ESR2: variants seen among roughly 807,000 people sequenced by gnomAD.
ESR2 encodes estrogen receptor beta.
ESR2 carries 36 observed loss-of-function variants against 49.6 expected under a neutral mutation model. The observed-to-expected ratio is 0.73, with a 90% confidence interval of 0.56 to 0.96. ESR2 has a LOEUF of 0.96. ESR2 is among the 40% of genes least tolerant of loss of function. The pLI is 0.00. For missense variants in ESR2, 714 were observed against 693.0 expected (o/e 1.03, Z -0.34); for synonymous variants, 320 against 266.1 (o/e 1.20, Z -1.97).
At chr14:64,252,176 G>A (rs911198548) in intron 6 of ESR2, among the ~76,000 whole-genome samples, 1 of 152,022 alleles carries the variant, frequency 6.6e-6, no homozygotes, top group Admixed American at 6.6e-5. Flanking sequence ...AACCAGGCAT[G>A]GTAGCATACA....
chr14:64,336,983 A>G (rs540134033), intron 1 of ESR2, among the ~76,000 whole-genome samples: 6 of 152,304 alleles, frequency 3.9e-5, no homozygotes, highest in East Asian at 3.9e-4. Flanking sequence ...CTAAAACTAT[A>G]TATTTCTTTA....
intron 4 of ESR2, among the ~76,000 whole-genome samples, chr14:64,263,059 A>C (rs2076253461): frequency 6.6e-6 from 1 of 152,222 alleles, no homozygotes; most frequent in Non-Finnish European, 1.5e-5. Flanking sequence ...AGATGATAGA[A>C]ATGAACCCAA....
intron 7 of ESR2, among the ~76,000 whole-genome samples, chr14:64,235,565 G>T (rs955897320): frequency 6.6e-6 from 1 of 152,344 alleles, no homozygotes; most frequent in Admixed American, 6.5e-5. Flanking sequence ...AATAAACAAA[G>T]GAATGGCCAA....
In ESR2 at chr14:64,260,689, G is replaced by A; in HGVS notation, c.712C>T (p.Gln238Ter). 4 of 1,553,550 alleles carry A rather than the reference G, an allele frequency of 2.6e-6. No homozygotes were observed. Among genetic ancestry groups the A allele is most frequent in the Non-Finnish European group, 2.6e-6 (3 of 1,145,476 alleles). ...LVRRQRSADE[Q>*]LHCAGKAKRS... ...TTGGCCTTGCCGGCACAGTGCAGCT[G>A]CTCGTCGGCACTTCTCTGTCTCCGC... The change falls in exon 5 of 9, where the codon CAG becomes TAG. Residue 238 changes from glutamine to a stop codon, truncating the protein, a stop_gained. Transcript: ENST00000341099. LOFTEE classifies it high-confidence loss of function.
intron 1 of ESR2, among the ~76,000 whole-genome samples, chr14:64,322,467 G>T (rs1249968684): frequency 2.7e-5 from 4 of 150,916 alleles, no homozygotes; most frequent in African/African-American, 4.9e-5. Flanking sequence ...CTTGATCCAG[G>T]GGTTTGAGAC....
At chr14:64,228,050 G>A, downstream of ESR2, 2 of 1,407,322 alleles carry the variant, frequency 1.4e-6, no homozygotes, top group Non-Finnish European at 1.8e-6. Context: ...CAGGACCTGT[G>A]GTCATAAATC....
chr14:64,335,973 T>TG (rs2077525609), intron 1 of ESR2: 4 of 125,694 alleles, frequency 3.2e-5, no homozygotes, highest in Non-Finnish European at 3.3e-5. Context: ...CCCAGCTAAT[T>TG]TGTGTGTGTG....
rs915165791 is a variant in ESR2, at chr14:64,233,123, C to G, written c.*14G>C. ...CTGTGACCTCTGTGGGCCAGTTCAC[C>G]TCAGGGCCAGGCGTCACTGAGACTG... On this transcript the variant is annotated 3_prime_UTR_variant, in exon 9 of 9. Coordinates refer to ENST00000341099, the MANE Select transcript of ESR2 (RefSeq NM_001437.3). The G allele has an allele frequency of 6.2e-7, 1 of 1,610,438 alleles. No homozygotes were observed. The highest frequency in any genetic ancestry group is 1.3e-5 in the African/African-American group (1 of 74,848).
intron 1 of ESR2, among the ~76,000 whole-genome samples, chr14:64,287,285 T>G (rs757779512): frequency 3.9e-5 from 6 of 152,080 alleles, no homozygotes; most frequent in Non-Finnish European, 8.8e-5. Flanking sequence ...CCAGCAGTGG[T>G]GAAACCAACT....
chr14:64,292,354 T>C (rs1428183368), intron 1 of ESR2, among the ~76,000 whole-genome samples: 1 of 152,158 alleles, frequency 6.6e-6, no homozygotes, highest in African/African-American at 2.4e-5. Context: ...AGGGGACTTT[T>C]GGGGTAATGG....
In ESR2 at chr14:64,232,237, G is replaced by C. The variant is rs2098727933; in HGVS notation, c.*900C>G. The C allele has an allele frequency of 6.6e-6, 1 of 152,168 alleles. No homozygotes were observed. Among genetic ancestry groups the C allele is most frequent in the Non-Finnish European group, 1.5e-5 (1 of 68,042 alleles). 9.4% of individuals were successfully genotyped at this position (152,168 alleles called of 1,614,324 possible). ...TGGGGCAATTGTGGCTGCTACTTAT[G>C]AGGTTGTACAAGATGGAAACTGCAT... On this transcript the variant is annotated 3_prime_UTR_variant, in exon 9 of 9. Transcript: ENST00000341099.
chr14:64,266,198 CAT>C (rs1378676717), intron 4 of ESR2, among the ~76,000 whole-genome samples: 12 of 152,296 alleles, frequency 7.9e-5, no homozygotes, highest in African/African-American at 2.6e-4. Flanking sequence ...TATCAAAGCT[CAT>C]ATGAGTTTTT....
chr14:64,319,519 A>G (rs2077300513), intron 1 of ESR2, among the ~76,000 whole-genome samples: 1 of 152,246 alleles, frequency 6.6e-6, no homozygotes. Flanking sequence ...TTGTTGCAAA[A>G]GATATATCTG....
At chr14:64,238,797 C>T (rs889668929) in intron 7 of ESR2, among the ~76,000 whole-genome samples, 3 of 151,826 alleles carry the variant, frequency 2.0e-5, no homozygotes, top group African/African-American at 7.2e-5. Flanking sequence ...GGCACCATGC[C>T]TCACACATAC....
intron 1 of ESR2, among the ~76,000 whole-genome samples, chr14:64,300,581 G>A (rs540750853): frequency 4.6e-5 from 7 of 152,108 alleles, no homozygotes; most frequent in African/African-American, 1.4e-4. Flanking sequence ...ACAACATGGC[G>A]AAAACCCATC....
At position 64,282,858 on chromosome 14, in the gene ESR2, T is replaced by C. The variant is rs775038176; in HGVS notation, c.128A>G (p.Tyr43Cys). Residue 43 changes from tyrosine to cysteine, a missense_variant, in exon 2 of 9, where the codon TAT (tyrosine) becomes TGT (cysteine). Tyr to Cys is a radical substitution (Grantham distance 194, BLOSUM62 -2). Coordinates refer to ENST00000341099, the MANE Select transcript of ESR2 (RefSeq NM_001437.3). The part of the protein sequence containing the change: ...PSSYVDSHHE[Y>C]PAMTFYSPAV... ...AGGGCTATAGAATGTCATGGCTGGA[T>C]ATTCATGGTGGCTGTCTACATAGGA... 3 of 1,614,198 alleles carry C rather than the reference T, an allele frequency of 1.9e-6. No individual in the cohort carries two copies. Among genetic ancestry groups the C allele is most frequent in the Non-Finnish European group, 2.5e-6 (3 of 1,180,028 alleles).
At chr14:64,240,538 C>A (rs1009688321) in intron 7 of ESR2, among the ~76,000 whole-genome samples, 11 of 152,166 alleles carry the variant, frequency 7.2e-5, no homozygotes, top group Non-Finnish European at 1.6e-4. Context: ...ACAGATTCAT[C>A]CAGGTATACC....
intron 1 of ESR2, among the ~76,000 whole-genome samples, chr14:64,310,450 C>G (rs1395451836): frequency 3.3e-5 from 5 of 150,320 alleles, no homozygotes; most frequent in African/African-American, 1.2e-4. Context: ...TGCAGTTTGC[C>G]TTTTTCAAAA....
chr14:64,321,271 C>T (rs566767698), intron 1 of ESR2, among the ~76,000 whole-genome samples: 22 of 150,372 alleles, frequency 1.5e-4, no homozygotes, highest in African/African-American at 4.7e-4. Context: ...GGTGGTTGCC[C>T]GGCACTAGTG....
Sources: gnomAD v4.1 joint callset for allele counts (sites outside exome capture counted in the v4.1 genomes callset) on GRCh38, gnomAD v4.1.1 for gene constraint, MANE v1.5 for transcripts, NCBI Gene and HGNC (gene_info 2026-07-23, HGNC 2026-07-21) for gene names.